LCORL: variants seen among roughly 807,000 people sequenced by gnomAD.
LCORL encodes the protein ligand dependent nuclear receptor corepressor like.
LCORL carries 41 observed loss-of-function variants against 141.8 expected under a neutral mutation model. That is an observed-to-expected ratio of 0.29 (90% CI 0.23 to 0.38). LCORL has a LOEUF of 0.38. Ranked by LOEUF, LCORL falls within the 10% of genes least tolerant of loss-of-function variation. LCORL has a pLI of 1.00. For missense variants in LCORL, 1,759 were observed against 2,035.0 expected (o/e 0.86, Z 2.61); for synonymous variants, 618 against 694.1 (o/e 0.89, Z 1.72).
intron 1 of LCORL, among the ~76,000 whole-genome samples, chr4:18,001,011 CAA>C (rs1721861982): frequency 6.6e-6 from 1 of 152,038 alleles, no homozygotes; most frequent in Non-Finnish European, 1.5e-5. Flanking sequence ...TTTGAGAATC[CAA>C]AAAGAGTTCA....
chr4:17,985,190 C>T (rs1718745613), intron 1 of LCORL, among the ~76,000 whole-genome samples: 1 of 151,900 alleles, frequency 6.6e-6, no homozygotes, highest in Non-Finnish European at 1.5e-5. Context: ...TCCAATTGTG[C>T]AGTCAGTTTT....
chr4:17,974,620 G>A (rs1040740480), intron 1 of LCORL, among the ~76,000 whole-genome samples: 6 of 152,002 alleles, frequency 3.9e-5, no homozygotes, highest in Admixed American at 2.0e-4. Flanking sequence ...GGTTTTATTT[G>A]GTTTTGGTAA....
intron 4 of LCORL, among the ~76,000 whole-genome samples, chr4:17,920,459 T>C (rs557840500): frequency 1.3e-5 from 2 of 152,334 alleles, no homozygotes; most frequent in East Asian, 3.9e-4. Context: ...TGCCTCAATG[T>C]TGACACCTGC....
exon 8 of LCORL, chr4:17,843,090 A>C: frequency 2.3e-6 from 1 of 430,930 alleles, no homozygotes; most frequent in Non-Finnish European, 4.2e-6. Context: ...TAGTATATAA[A>C]ATCATTAGCT....
At chr4:17,997,737 C>A (rs1721131753) in intron 1 of LCORL, among the ~76,000 whole-genome samples, 1 of 151,706 alleles carries the variant, frequency 6.6e-6, no homozygotes, top group Non-Finnish European at 1.5e-5. Context: ...CTAAGAAAAA[C>A]TGGGAGAAAG....
chr4:17,872,182 T>C (rs1726422483), intron 7 of LCORL, among the ~76,000 whole-genome samples: 1 of 151,926 alleles, frequency 6.6e-6, no homozygotes, highest in East Asian at 1.9e-4. Flanking sequence ...ATTTCTTTCA[T>C]GTTAAGCAAG....
At chr4:17,865,280 C>G (rs1725508570) in intron 7 of LCORL, among the ~76,000 whole-genome samples, 1 of 152,160 alleles carries the variant, frequency 6.6e-6, no homozygotes, top group Non-Finnish European at 1.5e-5. Context: ...TTCAAAAAGA[C>G]TGAAATCACA....
chr4:17,943,660 GACAT>G (rs1363664941), intron 4 of LCORL, among the ~76,000 whole-genome samples: 1 of 152,184 alleles, frequency 6.6e-6, no homozygotes. Flanking sequence ...AAAGTAAGTG[GACAT>G]GGGCTTCCTG....
intron 3 of LCORL, 152 bp downstream of exon 3, chr4:17,962,818 A>G (rs1399931171): frequency 7.2e-6 from 3 of 418,866 alleles, no homozygotes; most frequent in Non-Finnish European, 1.3e-5. Context: ...TAGATTTCTA[A>G]TATGACTTTA....
At position 17,924,152 on chromosome 4, in the gene LCORL, G is replaced by A. The variant is rs148050114; in HGVS notation, c.431-14807C>T. On this transcript the variant is annotated intron_variant, in intron 4 of 7. Coordinates refer to ENST00000635767, the Ensembl canonical transcript of LCORL. ...AATTTGGGAAAGATGTTGTGTGGCT[G>A]GACCTCTCTGAGTGCTCAAAAATTG... Among the ~76,000 whole-genome samples the A allele has an allele frequency of 2.9e-3, 446 of 152,230 alleles. 7 individuals carry two copies. Among genetic ancestry groups the A allele is most frequent in the Admixed American group, 0.025 (387 of 15,304 alleles).
exon 7 of LCORL, chr4:17,877,502 A>C: frequency 8.1e-7 from 1 of 1,230,048 alleles, no homozygotes; most frequent in Admixed American, 4.2e-5. Context: ...TTTTAGTTTT[A>C]AGTATTTTAT....
chr4:17,971,862 T>C (rs1215160108), intron 2 of LCORL, among the ~76,000 whole-genome samples: 1 of 151,680 alleles, frequency 6.6e-6, no homozygotes, highest in African/African-American at 2.4e-5. Context: ...ATTTAAAATT[T>C]ATATTAAGAA....
chr4:17,879,297 A>C (rs1349591676), intron 6 of LCORL, among the ~76,000 whole-genome samples: 1 of 151,074 alleles, frequency 6.6e-6, no homozygotes, highest in Non-Finnish European at 1.5e-5. Context: ...GTAATATTTC[A>C]CTTATATTTT....
intron 4 of LCORL, among the ~76,000 whole-genome samples, chr4:17,914,155 A>T (rs770933472): frequency 6.6e-6 from 1 of 152,242 alleles, no homozygotes; most frequent in Non-Finnish European, 1.5e-5. Context: ...AAAGGATTTC[A>T]AAGATATACC....
chr4:17,972,896 A>G lies in LCORL; in HGVS notation c.155-11T>C. 1 of 1,351,030 alleles carries G rather than the reference A, an allele frequency of 7.4e-7. No homozygotes were observed. Among genetic ancestry groups the G allele is most frequent in the Non-Finnish European group, 9.7e-7 (1 of 1,026,804 alleles). The allele number at this position is 1,351,030 out of a possible 1,614,324, so 83.7% of individuals were successfully genotyped here. A position where few individuals can be genotyped will look rare whatever the true frequency, so the allele number is the denominator to read the frequency against. On this transcript the variant is annotated splice_polypyrimidine_tract_variant and intron_variant, in intron 1 of 7. Coordinates refer to ENST00000635767, the Ensembl canonical transcript of LCORL. ...AAATACTCTCAAAACCTGTGTTTTT[A>G]GAGAGAGAAAAGTATATTAACTACT...
At chr4:17,986,284 A>AATT (rs1385778179) in intron 1 of LCORL, among the ~76,000 whole-genome samples, 2 of 152,130 alleles carry the variant, frequency 1.3e-5, no homozygotes, top group Non-Finnish European at 2.9e-5. Context: ...GTATCTTCTG[A>AATT]ATTTGACTGT....
At position 18,021,468 on chromosome 4, in the gene LCORL, G is replaced by T; in HGVS notation, c.154+130C>A. The T allele has an allele frequency of 1.4e-6, 1 of 734,436 alleles. No homozygotes were observed. The highest frequency in any genetic ancestry group is 2.0e-6 in the Non-Finnish European group (1 of 493,044). 45.5% of individuals were successfully genotyped at this position (734,436 alleles called of 1,614,324 possible). A position where few individuals can be genotyped will look rare whatever the true frequency, so the allele number is the denominator to read the frequency against. On this transcript the variant is annotated intron_variant, in intron 1 of 7. Coordinates refer to ENST00000635767, the Ensembl canonical transcript of LCORL. This position sits in a 1 kb window ranked among gnomAD's most constrained non-coding sequence, Gnocchi z 5.5. ...AGCGCCGGGGCCGCCGCGCCGCGCCGCTCCCATCTCGCTCCCCCACCGAAC... is the reference window on the plus strand; with the variant it reads ...AGCGCCGGGGCCGCCGCGCCGCGCCTCTCCCATCTCGCTCCCCCACCGAAC...
intron 6 of LCORL, among the ~76,000 whole-genome samples, chr4:17,878,798 T>C (rs866380534): frequency 6.6e-6 from 1 of 151,352 alleles, no homozygotes; most frequent in African/African-American, 2.4e-5. Flanking sequence ...TTTTAATTGA[T>C]GTTAAATACT....
intron 2 of LCORL, among the ~76,000 whole-genome samples, chr4:17,969,359 A>G (rs1393983132): frequency 6.6e-6 from 1 of 152,212 alleles, no homozygotes; most frequent in Non-Finnish European, 1.5e-5. Context: ...GCAGCACTCA[A>G]AAGTTTCTTT....
Sources: gnomAD v4.1 joint callset for allele counts (sites outside exome capture counted in the v4.1 genomes callset) on GRCh38, gnomAD v4.1.1 for gene constraint, Gnocchi (gnomAD v3.1) non-coding constraint, MANE v1.5 for transcripts, NCBI Gene and HGNC (gene_info 2026-07-23, HGNC 2026-07-21) for gene names.